Variants in SLC4A4 observed in about 807,000 individuals in gnomAD.
SLC4A4 encodes the protein solute carrier family 4 member 4, also known as electrogenic sodium bicarbonate cotransporter 1.
Under a neutral mutation model 111.5 loss-of-function variants are expected in SLC4A4, and 27 were observed. The ratio of observed to expected loss-of-function variants is 0.24; its 90% confidence interval spans 0.18 to 0.33. The LOEUF is 0.33. Among genes scored for constraint, SLC4A4 ranks in the 10% least tolerant of loss-of-function variants. The pLI, the probability that SLC4A4 is intolerant of heterozygous loss-of-function variation, is 1.00. For synonymous variants in SLC4A4, 443 were observed against 463.4 expected (o/e 0.96, Z 0.57); for missense variants, 909 against 1,315.5 (o/e 0.69, Z 4.78).
At chr4:71,265,528 A>G (rs1283743342) in intron 3 of SLC4A4, among the ~76,000 whole-genome samples, 1 of 152,180 alleles carries the variant, frequency 6.6e-6, no homozygotes, top group Non-Finnish European at 1.5e-5. Flanking sequence ...AATGCCATCA[A>G]GAAAGACAAT....
At chr4:71,555,067 T>C (rs1736351648) in intron 20 of SLC4A4, 73 bp from the exon 21 acceptor site, 1 of 1,086,186 alleles carries the variant, frequency 9.2e-7, no homozygotes, top group Non-Finnish European at 1.4e-6. Context: ...TTAGCCTTTA[T>C]TTAAATGATT....
rs781170152 is a variant in SLC4A4, at chr4:71,453,676, A to G, written c.1497+7A>G. 37 of 1,613,666 alleles carry G rather than the reference A, an allele frequency of 2.3e-5. No homozygotes were observed. The highest frequency in any genetic ancestry group is 3.0e-5 in the Non-Finnish European group (35 of 1,179,724). Reference sequence around the variant, plus strand: ...TGCCACTGACAACATGCAGGTGGGTATGGTTTTGAGGAGGACACAAATAGT... The same window carrying G: ...TGCCACTGACAACATGCAGGTGGGTGTGGTTTTGAGGAGGACACAAATAGT... On this transcript the variant is annotated splice_region_variant and intron_variant, in intron 12 of 25. Transcript: ENST00000264485.
chr4:71,289,707 A>G (rs1724186859), intron 3 of SLC4A4, among the ~76,000 whole-genome samples: 1 of 152,236 alleles, frequency 6.6e-6, no homozygotes, highest in African/African-American at 2.4e-5. Flanking sequence ...AAATTGGCAG[A>G]CAGAGATGAG....
At chr4:71,141,127 G>A (rs1022901618) in intron 2 of SLC4A4, among the ~76,000 whole-genome samples, 5 of 152,132 alleles carry the variant, frequency 3.3e-5, no homozygotes, top group Non-Finnish European at 5.9e-5. Context: ...TATTCTTTCT[G>A]TCTGAGATTT....
At chr4:71,319,770 CTGT>C (rs1483853312) in intron 3 of SLC4A4, among the ~76,000 whole-genome samples, 1 of 151,900 alleles carries the variant, frequency 6.6e-6, no homozygotes, top group Non-Finnish European at 1.5e-5. Context: ...TTCACTCTTC[CTGT>C]TGTTATTATA....
At chr4:71,546,133 A>G (rs1735498620) in intron 18 of SLC4A4, among the ~76,000 whole-genome samples, 2 of 152,096 alleles carry the variant, frequency 1.3e-5, no homozygotes, top group Non-Finnish European at 2.9e-5. Context: ...ACACTATAGT[A>G]CAGAAGGTCT....
chr4:71,370,671 C>T (rs184379502), intron 6 of SLC4A4, among the ~76,000 whole-genome samples: 192 of 152,284 alleles, frequency 1.3e-3, no homozygotes, highest in African/African-American at 4.4e-3. Flanking sequence ...GTGTAGTGCT[C>T]AGCACTCAGT....
intron 3 of SLC4A4, among the ~76,000 whole-genome samples, chr4:71,260,434 A>G (rs1261690934): frequency 2.0e-5 from 3 of 152,154 alleles, no homozygotes; most frequent in East Asian, 1.9e-4. Flanking sequence ...AAATCGATCT[A>G]TATATAGGAG....
At chr4:71,276,382 C>T (rs900806948) in intron 3 of SLC4A4, among the ~76,000 whole-genome samples, 1 of 152,076 alleles carries the variant, frequency 6.6e-6, no homozygotes, top group Non-Finnish European at 1.5e-5. Context: ...TAACTACTAC[C>T]ACAATCAAGA....
At chr4:71,171,723 T>C (rs2148982606) in intron 2 of SLC4A4, among the ~76,000 whole-genome samples, 1 of 152,340 alleles carries the variant, frequency 6.6e-6, no homozygotes, top group East Asian at 1.9e-4. Context: ...AATTTTCTTT[T>C]GCATTCTCTG....
At chr4:71,462,032 C>T (rs547854280) in intron 12 of SLC4A4, among the ~76,000 whole-genome samples, 6 of 152,132 alleles carry the variant, frequency 3.9e-5, no homozygotes, top group African/African-American at 1.4e-4. Flanking sequence ...CTTCTGAAGA[C>T]TAATTTTTAT....
At chr4:71,424,756 C>T (rs1233711149) in intron 7 of SLC4A4, among the ~76,000 whole-genome samples, 1 of 152,002 alleles carries the variant, frequency 6.6e-6, no homozygotes, top group Non-Finnish European at 1.5e-5. Flanking sequence ...AAACCAAACA[C>T]CGCATATTCT....
At chr4:71,517,355 G>C (rs994736404) in intron 16 of SLC4A4, among the ~76,000 whole-genome samples, 2 of 151,096 alleles carry the variant, frequency 1.3e-5, no homozygotes, top group Non-Finnish European at 3.0e-5. Flanking sequence ...TCTTCTGCTT[G>C]ATCAGTTCTG....
intron 2 of SLC4A4, among the ~76,000 whole-genome samples, chr4:71,144,347 T>C (rs1444674870): frequency 6.6e-6 from 1 of 152,254 alleles, no homozygotes; most frequent in Non-Finnish European, 1.5e-5. Context: ...TTGGTTACTG[T>C]AGCCTTGTAG....
At position 71,426,920 on chromosome 4, in the gene SLC4A4, C is replaced by A. The variant is rs146571506; in HGVS notation, c.808-13696C>A. Among the ~76,000 whole-genome samples, 271 of 152,016 alleles carry A rather than the reference C, an allele frequency of 1.8e-3. 1 individual carries two copies. Among genetic ancestry groups the A allele is most frequent in the African/African-American group, 6.3e-3 (262 of 41,506 alleles). The stretch of plus-strand genomic sequence containing the variant: ...GTAGTTTTTCACTGTCCTTTATTAC[C>A]CTTAAGTATTCCCCACCAAGGGAGT... On this transcript the variant is annotated intron_variant, in intron 7 of 25. Transcript: ENST00000264485.
chr4:71,251,484 A>G (rs958952310), intron 2 of SLC4A4, among the ~76,000 whole-genome samples: 2 of 152,232 alleles, frequency 1.3e-5, no homozygotes, highest in African/African-American at 4.8e-5. Flanking sequence ...TTTTCTTTCC[A>G]GTAGTACTGG....
At chr4:71,338,703 TG>T (rs1461490923) in intron 3 of SLC4A4, among the ~76,000 whole-genome samples, 1 of 151,036 alleles carries the variant, frequency 6.6e-6, no homozygotes, top group Non-Finnish European at 1.5e-5. Context: ...TGTTGGAAAA[TG>T]TTTTTTTTTT....
intron 2 of SLC4A4, among the ~76,000 whole-genome samples, chr4:71,148,160 C>T (rs1209753620): frequency 6.6e-6 from 1 of 152,166 alleles, no homozygotes; most frequent in Non-Finnish European, 1.5e-5. Context: ...CTGGCCTCTG[C>T]CTGAGCAGTG....
chr4:71,338,218 T>C (rs1352678448), intron 3 of SLC4A4, among the ~76,000 whole-genome samples: 2 of 152,198 alleles, frequency 1.3e-5, no homozygotes, highest in African/African-American at 4.8e-5. Flanking sequence ...TTTCATGGGT[T>C]TATTTGTACT....
Sources: allele counts gnomAD v4.1 joint callset (sites outside exome capture counted in the v4.1 genomes callset), GRCh38; gene constraint gnomAD v4.1.1; transcripts MANE v1.5; gene names NCBI Gene and HGNC (gene_info 2026-07-23, HGNC 2026-07-21).